Variants in USP12 observed in about 807,000 individuals in gnomAD.
The protein encoded by USP12 is ubiquitin specific peptidase 12, also known as ubiquitin carboxyl-terminal hydrolase 12.
A neutral mutation model predicts 45.5 loss-of-function variants in USP12; 19 were observed. The observed-to-expected ratio is 0.42, with a 90% CI of 0.29 to 0.61. USP12 has a LOEUF of 0.61. USP12 is among the 20% of genes least tolerant of loss of function. The probability of loss-of-function intolerance (pLI) is 0.22; values close to 1 mark genes in which losing one functional copy is unlikely to be tolerated. For synonymous variants in USP12, 149 were observed against 148.8 expected (o/e 1.00, Z -0.01); for missense variants, 242 against 447.7 (o/e 0.54, Z 4.15).
Position 27,118,874 on chromosome 13 carries a change from C to T in USP12, c.49-2278G>A, listed in dbSNP as rs145554917. 8.8e-4 allele frequency among the ~76,000 whole-genome samples: 134 copies of T among 152,292 alleles called. 5 individuals are homozygous for T. In the East Asian group the frequency reaches 0.024, roughly 27 times the overall value. ...CCACTCGCCTTGTATTCTAACCACC[C>T]CACATGTCCACCTGTCACCATATGT... On this transcript the variant is annotated intron_variant, in intron 1 of 8. Transcript: ENST00000282344.
intron 1 of USP12, chr13:27,170,038 T>C (rs1593221313): frequency 3.1e-6 from 1 of 321,166 alleles, no homozygotes; most frequent in East Asian, 4.8e-5. Context: ...GCATTCCTTT[T>C]GAAATTGACT....
chr13:27,088,416 CAAAA>C (rs11323861), intron 6 of USP12, among the ~76,000 whole-genome samples: 1 of 93,654 alleles, frequency 1.1e-5, no homozygotes, highest in Non-Finnish European at 2.0e-5. Flanking sequence ...GACTCCGTCT[CAAAA>C]AAAAAAAAAA....
At chr13:27,167,743 A>C (rs995707907) in intron 1 of USP12, among the ~76,000 whole-genome samples, 13 of 152,074 alleles carry the variant, frequency 8.5e-5, no homozygotes, top group African/African-American at 2.9e-4. Flanking sequence ...AAGGAAAAAG[A>C]AATTTCATTA....
intron 6 of USP12, chr13:27,077,181 T>C (rs1873528736): frequency 6.6e-6 from 1 of 152,184 alleles, no homozygotes; most frequent in Non-Finnish European, 1.5e-5. Flanking sequence ...AGTCAGGATA[T>C]AAAATTATAC....
intron 1 of USP12, among the ~76,000 whole-genome samples, chr13:27,156,830 AAAAG>A (rs1877864301): frequency 6.7e-6 from 1 of 149,816 alleles, no homozygotes; most frequent in Non-Finnish European, 1.5e-5. Flanking sequence ...TCAAAAAAAC[AAAAG>A]AGAGAGAGAG....
At chr13:27,081,246 C>A (rs1328875601) in intron 6 of USP12, among the ~76,000 whole-genome samples, 2 of 152,186 alleles carry the variant, frequency 1.3e-5, no homozygotes, top group Non-Finnish European at 2.9e-5. Flanking sequence ...TCCTCTCAAA[C>A]CCTGACGCTG....
rs1873227110 is a variant in USP12, at chr13:27,071,074, T to C, written c.1008A>G (p.Val336=). The stretch of plus-strand genomic sequence containing the variant: ...AAGAAATTAAGAAACTACTTACTTC[T>C]ACAATGTCGTCATCAAACAACAACC... ...DFWLLFDDDI[V]EKIDAQAIEE... The change falls in exon 8 of 9, where the codon GTA becomes GTG. Residue 336 remains valine (V), a synonymous_variant. Transcript: ENST00000282344. The C allele has an allele frequency of 6.2e-7, 1 of 1,606,710 alleles. No individual in the cohort carries two copies. Among genetic ancestry groups the C allele is most frequent in the Non-Finnish European group, 8.5e-7 (1 of 1,178,310 alleles).
At chr13:27,075,801 AG>A (rs1873453643) in intron 6 of USP12, among the ~76,000 whole-genome samples, 1 of 152,074 alleles carries the variant, frequency 6.6e-6, no homozygotes, top group Non-Finnish European at 1.5e-5. Context: ...AGGCCGAGGC[AG>A]GTGGATCACC....
At chr13:27,084,066 T>C (rs187104781) in intron 6 of USP12, among the ~76,000 whole-genome samples, 83 of 151,758 alleles carry the variant, frequency 5.5e-4, no homozygotes, top group South Asian at 4.2e-4. Flanking sequence ...GGTTTCACCA[T>C]GTTGGCCAGG....
chr13:27,140,553 G>T (rs1399811857), intron 1 of USP12, among the ~76,000 whole-genome samples: 1 of 152,042 alleles, frequency 6.6e-6, no homozygotes, highest in Non-Finnish European at 1.5e-5. Flanking sequence ...TTAGGCCAAG[G>T]ACTCTACTAG....
chr13:27,141,085 A>G (rs929102823), intron 1 of USP12, among the ~76,000 whole-genome samples: 22 of 140,936 alleles, frequency 1.6e-4, no homozygotes, highest in African/African-American at 5.3e-4. Context: ...GCACAACCTC[A>G]GCTCATTGCA....
chr13:27,122,057 T>C (rs117979676), intron 1 of USP12, among the ~76,000 whole-genome samples: 6,477 of 152,196 alleles, frequency 0.043, 160 homozygotes, highest in Admixed American at 0.075. Context: ...TGGCCAGGCA[T>C]GGTGGCTCGT....
intron 1 of USP12, among the ~76,000 whole-genome samples, chr13:27,136,220 T>TG (rs1453150049): frequency 2.6e-5 from 4 of 152,112 alleles, no homozygotes; most frequent in Non-Finnish European, 5.9e-5. Flanking sequence ...TAAAGACCCT[T>TG]GGCGGGGCGC....
intron 1 of USP12, among the ~76,000 whole-genome samples, chr13:27,158,992 G>T (rs1196773952): frequency 2.0e-5 from 3 of 152,180 alleles, no homozygotes; most frequent in Non-Finnish European, 4.4e-5. Flanking sequence ...CACAGGTAAT[G>T]TCTGGCAATA....
At position 27,090,164 on chromosome 13, in the gene USP12, A is replaced by T; in HGVS notation, c.574-6T>A. The T allele has an allele frequency of 6.4e-7, 1 of 1,571,592 alleles. No homozygotes were observed. The highest frequency in any genetic ancestry group is 8.7e-7 in the Non-Finnish European group (1 of 1,151,162). ...TCTTCATCTTTGCTGCTTATCTGTA[A>T]AAACAGTGAATTGTCTTTGATTTTT... On this transcript the variant is annotated splice_region_variant and splice_polypyrimidine_tract_variant and intron_variant, in intron 4 of 8. Transcript: ENST00000282344.
chr13:27,168,553 C>T (rs1252400211), intron 1 of USP12, among the ~76,000 whole-genome samples: 1 of 152,140 alleles, frequency 6.6e-6, no homozygotes, highest in African/African-American at 2.4e-5. Context: ...GTACTCCGTG[C>T]CAGGCCCTGA....
At chr13:27,077,299 T>C (rs1286593502) in intron 6 of USP12, 1 of 152,162 alleles carries the variant, frequency 6.6e-6, no homozygotes, top group Non-Finnish European at 1.5e-5. Flanking sequence ...GAATTTCCAA[T>C]GGATGGTAGA....
At chr13:27,074,608 T>C (rs1426644807) in intron 7 of USP12, among the ~76,000 whole-genome samples, 6 of 152,208 alleles carry the variant, frequency 3.9e-5, no homozygotes, top group Admixed American at 2.0e-4. Context: ...GTTTTGATTA[T>C]GTGATGCTCT....
intron 2 of USP12, among the ~76,000 whole-genome samples, chr13:27,106,416 C>T (rs1431437550): frequency 1.7e-5 from 2 of 121,136 alleles, no homozygotes; most frequent in Admixed American, 9.0e-5. Context: ...AGGGGGCGGG[C>T]GGGGAAATAA....
Sources: gnomAD v4.1 joint callset for allele counts (sites outside exome capture counted in the v4.1 genomes callset) on GRCh38, gnomAD v4.1.1 for gene constraint, MANE v1.5 for transcripts, NCBI Gene and HGNC (gene_info 2026-07-23, HGNC 2026-07-21) for gene names.